Variants in IL17REL observed in about 807,000 individuals in gnomAD.
The protein encoded by IL17REL is interleukin-17 receptor E-like protein.
In IL17REL, 36 loss-of-function variants were observed where a neutral mutation model predicts 49.0. The observed-to-expected ratio is 0.73, with a 90% confidence interval of 0.56 to 0.97. The LOEUF is 0.97. Ranked by LOEUF, IL17REL falls within the 50% of genes least tolerant of loss-of-function variation. IL17REL has a pLI of 0.00. For missense variants in IL17REL, 470 were observed against 453.9 expected (o/e 1.04, Z -0.32); for synonymous variants, 206 against 192.4 (o/e 1.07, Z -0.58).
At position 49,999,377 on chromosome 22, in the gene IL17REL, C is replaced by G. The variant is rs762787734; in HGVS notation, c.547-32G>C. On this transcript the variant is annotated intron_variant, in intron 6 of 12. Coordinates refer to ENST00000341280, the Ensembl canonical transcript of IL17REL. ...GAGGGGCTGGGGTCAGCGCAGCCCA[C>G]CCATCCCTGTGCTCCCCTCACCCGC... The G allele has an allele frequency of 2.5e-6, 4 of 1,612,868 alleles. No homozygotes were observed. The Admixed American group carries it at 5.0e-5, about 20-fold the overall frequency.
chr22:50,004,565 A>G (rs1256149300), intron 1 of IL17REL, among the ~76,000 whole-genome samples: 1 of 151,776 alleles, frequency 6.6e-6, no homozygotes, highest in Non-Finnish European at 1.5e-5. Flanking sequence ...CTCGGTGTGT[A>G]TGTTGTCATC....
chr22:49,997,692 G>A (rs1186254974), exon 10 of IL17REL: 2 of 1,613,910 alleles, frequency 1.2e-6, no homozygotes, highest in East Asian at 4.5e-5. Flanking sequence ...TACTTGGGAA[G>A]CGACGCTGTT....
At chr22:50,000,669 T>A (rs944096041) in intron 3 of IL17REL, 77 bp from the exon 5 acceptor site, 2 of 1,551,550 alleles carry the variant, frequency 1.3e-6, no homozygotes, top group African/African-American at 2.7e-5. Flanking sequence ...CTTGCATGGC[T>A]GGAGCTTAGA....
At chr22:49,999,253 TC>T (rs1465160492) in intron 7 of IL17REL, 37 bp downstream of exon 9, 3 of 1,611,456 alleles carry the variant, frequency 1.9e-6, no homozygotes, top group Non-Finnish European at 2.5e-6. Flanking sequence ...CCGCAGCCAT[TC>T]CCACCCTTCC....
At chr22:49,997,653 T>C (rs760618884) in intron 10 of IL17REL, 32 bp downstream of exon 12, 4 of 1,600,274 alleles carry the variant, frequency 2.5e-6, no homozygotes, top group Non-Finnish European at 3.4e-6. Flanking sequence ...CTGTGCTGCG[T>C]CCACATTGCG....
At chr22:49,992,109 T>C (rs1342608483), downstream of IL17REL, among the ~76,000 whole-genome samples, 3 of 152,246 alleles carry the variant, frequency 2.0e-5, no homozygotes, top group African/African-American at 7.2e-5. Context: ...TTTATCTCAG[T>C]GAGCAGACGG....
chr22:49,998,432 G>A, intron 7 of IL17REL, 123 bp from the exon 10 acceptor site: 1 of 881,338 alleles, frequency 1.1e-6, no homozygotes, highest in Non-Finnish European at 1.7e-6. Flanking sequence ...ATGGGTCTCT[G>A]AGCCCTGGCT....
intron 1 of IL17REL, among the ~76,000 whole-genome samples, chr22:50,006,971 A>AAAAG (rs1555949615): frequency 6.7e-6 from 1 of 149,444 alleles, no homozygotes; most frequent in Non-Finnish European, 1.5e-5. Context: ...AAAAAAAAAA[A>AAAAG]GGGAGGGGAT....
At position 49,997,319 on chromosome 22, in the gene IL17REL, C is replaced by A; in HGVS notation, c.974+1G>T. On this transcript the variant is annotated splice_donor_variant, in intron 11 of 12. Coordinates refer to ENST00000341280, the Ensembl canonical transcript of IL17REL. LOFTEE classifies it high-confidence loss of function. Reference sequence around the variant, plus strand: ...GATGGAGCCCCACTCTCTCGGCTCACTGAGGCTGAAGGGAGCGGGCTGGCC... The same window carrying A: ...GATGGAGCCCCACTCTCTCGGCTCAATGAGGCTGAAGGGAGCGGGCTGGCC... The A allele has an allele frequency of 6.2e-7, 1 of 1,612,982 alleles. No homozygotes were observed. Among genetic ancestry groups the A allele is most frequent in the Non-Finnish European group, 8.5e-7 (1 of 1,179,512 alleles).
At chr22:50,004,558 G>A (rs967702162) in intron 1 of IL17REL, among the ~76,000 whole-genome samples, 3 of 151,904 alleles carry the variant, frequency 2.0e-5, no homozygotes, top group Admixed American at 6.6e-5. Context: ...CTTAGAGCTC[G>A]GTGTGTATGT....
rs548338340 is a variant in IL17REL at position 49,997,064 on chromosome 22, G to A, written c.985C>T (p.Gln329Ter). 10 of 1,567,318 alleles carry A rather than the reference G, an allele frequency of 6.4e-6. No individual in the cohort carries two copies. Among genetic ancestry groups the A allele is most frequent in the Admixed American group, 2.1e-5 (1 of 47,794 alleles). ...TAGGAAGGCAAAAGCAGGGGCGGCT[G>A]CCAGGTCACCCTGGGTGGGGGAGGG... Residue 329 changes from glutamine to a stop codon, truncating the protein, a stop_gained, in exon 12 of 13, where the codon CAG (glutamine) becomes TAG (stop). Transcript: ENST00000341280. LOFTEE classifies it high-confidence loss of function.
intron 1 of IL17REL, among the ~76,000 whole-genome samples, chr22:50,008,330 CG>C (rs1295241061): frequency 1.3e-5 from 2 of 152,172 alleles, no homozygotes; most frequent in Non-Finnish European, 2.9e-5. Context: ...CTAGAGGAGA[CG>C]GGGTTTTCCA....
At chr22:49,997,269 GCCGCCACCACCC>G (rs745321407) in intron 11 of IL17REL, 39 bp downstream of exon 13, 88 of 1,561,378 alleles carry the variant, frequency 5.6e-5, no homozygotes, top group Non-Finnish European at 7.4e-5. Flanking sequence ...ATGGGGTCCT[GCCGCCACCACCC>G]CCACCTCCCC....
chr22:50,011,051 C>G (rs2061138589), upstream of IL17REL, among the ~76,000 whole-genome samples: 1 of 148,832 alleles, frequency 6.7e-6, no homozygotes, highest in African/African-American at 2.5e-5. Context: ...TCCCTGGCTT[C>G]CCCCCGCGGG....
intron 10 of IL17REL, 57 bp downstream of exon 12, chr22:49,997,628 G>A: frequency 1.3e-6 from 2 of 1,526,052 alleles, no homozygotes; most frequent in South Asian, 1.1e-5. Flanking sequence ...AGCACAGAGT[G>A]ATATAAAGGA....
chr22:49,993,890 CG>C (rs755041761), downstream of IL17REL, among the ~76,000 whole-genome samples: 15 of 152,072 alleles, frequency 9.9e-5, no homozygotes, highest in African/African-American at 1.4e-4. The surrounding 1 kb of genome is among the most constrained non-coding windows in gnomAD (Gnocchi z 6.0). Flanking sequence ...GAACCTGGGG[CG>C]GGGACTGCCC....
chr22:50,000,947 G>A, intron 2 of IL17REL, 84 bp from the exon 4 acceptor site: 1 of 1,300,396 alleles, frequency 7.7e-7, no homozygotes, highest in South Asian at 1.4e-5. Flanking sequence ...CTGTTCCTCT[G>A]CCTTCTCTCT....
chr22:50,004,134 A>G (rs1186458314), intron 1 of IL17REL, among the ~76,000 whole-genome samples: 1 of 152,016 alleles, frequency 6.6e-6, no homozygotes, highest in Non-Finnish European at 1.5e-5. Context: ...GCTGAAGTGC[A>G]GTGGTGCGAT....
At chr22:49,998,141 C>A in exon 8 of IL17REL, 1 of 1,604,730 alleles carries the variant, frequency 6.2e-7, no homozygotes, top group South Asian at 1.1e-5. Flanking sequence ...ACTCACTCTG[C>A]GATGCACCAG....
Sources: gnomAD v4.1 joint callset for allele counts (sites outside exome capture counted in the v4.1 genomes callset) on GRCh38, gnomAD v4.1.1 for gene constraint, Gnocchi (gnomAD v3.1) non-coding constraint, MANE v1.5 for transcripts, NCBI Gene and HGNC (gene_info 2026-07-23, HGNC 2026-07-21) for gene names.